CREB3L3: variants seen among roughly 807,000 people sequenced by gnomAD.
CREB3L3 encodes the protein cAMP responsive element binding protein 3 like 3.
Under a neutral mutation model 44.6 loss-of-function variants are expected in CREB3L3, and 40 were observed. The ratio of observed to expected loss-of-function variants is 0.90; its 90% CI spans 0.70 to 1.17. The LOEUF (loss-of-function observed/expected upper bound fraction) is 1.17, where lower values mean the gene tolerates loss of function less well. Among genes scored for constraint, CREB3L3 ranks in the 50% most tolerant of loss-of-function variants. The pLI is 0.00. For missense variants in CREB3L3, 578 were observed against 595.8 expected (o/e 0.97, Z 0.31); for synonymous variants, 273 against 256.3 (o/e 1.06, Z -0.62).
intron 7 of CREB3L3, 123 bp from the exon 8 acceptor site, chr19:4,170,968 G>A (rs1967032201): frequency 2.9e-6 from 2 of 687,998 alleles, no homozygotes; most frequent in Non-Finnish European, 5.3e-6. Context: ...ATAATAAAGA[G>A]CCAGAGGCCC....
chr19:4,165,879 A>G (rs1204581305), intron 5 of CREB3L3, among the ~76,000 whole-genome samples: 3 of 152,028 alleles, frequency 2.0e-5, no homozygotes, highest in East Asian at 1.9e-4. Context: ...CTCTGTCAAA[A>G]CAAAAACAAA....
In CREB3L3 at chr19:4,171,077, C is replaced by T. The variant is rs192623406; in HGVS notation, c.891-14C>T. ...CCCTTTAGGGCTCAGCGGAGGCCTG[C>T]CTGTCTCTCTAAGGTCCCTCTTGGA... On this transcript the variant is annotated splice_polypyrimidine_tract_variant and intron_variant, in intron 7 of 9. Coordinates refer to ENST00000078445, the MANE Select transcript of CREB3L3 (RefSeq NM_032607.3). This position sits in a 1 kb window ranked among gnomAD's most constrained non-coding sequence, Gnocchi z 4.9. 3.3e-4 allele frequency: 536 copies of T among 1,610,380 alleles called. 5 individuals carry two copies. The African/African-American group carries it at 6.0e-3, about 18-fold the overall frequency.
rs2240702 is a variant in CREB3L3, at chr19:4,159,876, A to G, written c.576+94A>G. The stretch of plus-strand genomic sequence containing the variant: ...ATATCCCCGTTTCAGAGACTGGAAA[A>G]CTGAGTCACAGAAAGGCGTGGAATT... On this transcript the variant is annotated intron_variant, in intron 4 of 9. Coordinates refer to ENST00000078445, the MANE Select transcript of CREB3L3 (RefSeq NM_032607.3). 89,104 of 755,586 alleles carry G rather than the reference A, an allele frequency of 0.12. 6,145 individuals are homozygous for G. The highest frequency in any genetic ancestry group is 0.26 in the East Asian group (10,511 of 40,480). 46.8% of individuals were successfully genotyped at this position (755,586 alleles called of 1,614,324 possible).
intron 6 of CREB3L3, 56 bp from the exon 7 acceptor site, chr19:4,170,084 T>C (rs1967009568): frequency 6.5e-7 from 1 of 1,544,048 alleles, no homozygotes; most frequent in East Asian, 2.2e-5. Context: ...GAGATGTCAG[T>C]GGGGCCAGCT....
rs1015075203 is a variant in CREB3L3 at position 4,172,586 on chromosome 19, CACAGATTGA to C, written c.*619_*627del. The C allele has an allele frequency of 4.0e-6, 1 of 247,302 alleles. No individual in the cohort carries two copies. The allele number at this position is 247,302 out of a possible 1,614,324, so 15.3% of individuals were successfully genotyped here. A position where few individuals can be genotyped will look rare whatever the true frequency, so the allele number is the denominator to read the frequency against. On this transcript the variant is annotated 3_prime_UTR_variant, in exon 10 of 10. Transcript: ENST00000078445. ...CCTGAAACAGACCTAGACAGACAGA[CACAGATTGA>C]AACAGACCCAGACAAACAGACAGAC...
At chr19:4,155,125 C>T in intron 2 of CREB3L3, 98 bp downstream of exon 2, 1 of 1,454,028 alleles carries the variant, frequency 6.9e-7, no homozygotes, top group Non-Finnish European at 9.5e-7. Context: ...CCAGCCAGAG[C>T]TCTGCTCAGC....
intron 2 of CREB3L3, 25 bp downstream of exon 2, chr19:4,155,052 C>A (rs767840124): frequency 3.1e-6 from 5 of 1,601,488 alleles, no homozygotes; most frequent in Non-Finnish European, 4.2e-6. Flanking sequence ...GCAGTTGCCC[C>A]GGGACCACAG....
intron 5 of CREB3L3, among the ~76,000 whole-genome samples, chr19:4,167,653 G>C (rs957778175): frequency 6.6e-6 from 1 of 152,160 alleles, no homozygotes; most frequent in Non-Finnish European, 1.5e-5. Context: ...AGGGAAAGGT[G>C]ATGTTTCCAG....
In CREB3L3 at chr19:4,157,084, C is replaced by G; in HGVS notation, c.246C>G (p.Pro82=). 1 of 1,614,030 alleles carries G rather than the reference C, an allele frequency of 6.2e-7. No homozygotes were observed. Among genetic ancestry groups the G allele is most frequent in the Non-Finnish European group, 8.5e-7 (1 of 1,179,982 alleles). The change falls in exon 3 of 10, where the codon CCC becomes CCG. Residue 82 remains proline, a synonymous_variant. Coordinates refer to ENST00000078445, the MANE Select transcript of CREB3L3 (RefSeq NM_032607.3). ...TGCCCAGCTCCCCACTCTGGTCCCC[C>G]GAAGGCAGTGATAGTGGCATCTCCG... ...DSLPSSPLWS[P]EGSDSGISED...
chr19:4,163,499 A>G (rs984789104), intron 4 of CREB3L3, among the ~76,000 whole-genome samples: 1 of 152,144 alleles, frequency 6.6e-6, no homozygotes, highest in Non-Finnish European at 1.5e-5. Context: ...CCCTGCTGCC[A>G]AGGGAGATTC....
chr19:4,157,398 G>A, intron 3 of CREB3L3, 103 bp downstream of exon 3: 1 of 1,309,768 alleles, frequency 7.6e-7, no homozygotes. Flanking sequence ...CTTGTCCAAG[G>A]TCACACAGCA....
At position 4,170,141 on chromosome 19, in the gene CREB3L3, A is replaced by G. The variant is rs1290294482; in HGVS notation, c.823A>G (p.Met275Val). The change falls in exon 7 of 10, where the codon ATG (methionine) becomes GTG (valine). Residue 275 changes from methionine to valine, a missense_variant and splice_region_variant. Met to Val is a conservative substitution (Grantham distance 21). Coordinates refer to ENST00000078445, the MANE Select transcript of CREB3L3 (RefSeq NM_032607.3). ...GTCGATGCGTCTTCCTCCTTTCAGG[A>G]TGTCAGCTTGCACTGCTCAGAATCA... ...KEYIDGLETR[M>V]SACTAQNQEL... 2 of 1,614,024 alleles carry G rather than the reference A, an allele frequency of 1.2e-6. No individual in the cohort carries two copies. The highest frequency in any genetic ancestry group is 2.2e-5 in the South Asian group (2 of 91,078).
At chr19:4,167,007 C>T (rs796438150) in intron 5 of CREB3L3, among the ~76,000 whole-genome samples, 6 of 152,186 alleles carry the variant, frequency 3.9e-5, no homozygotes, top group African/African-American at 9.6e-5. Flanking sequence ...GCTGGGATTA[C>T]AGCACTGTGA....
Position 4,171,645 on chromosome 19 carries a change from T to G in CREB3L3, c.1073-11T>G, listed in dbSNP as rs1967050407. 16 of 1,612,914 alleles carry G rather than the reference T, an allele frequency of 9.9e-6. No homozygotes were observed. Among genetic ancestry groups the G allele is most frequent in the Non-Finnish European group, 1.4e-5 (16 of 1,179,884 alleles). On this transcript the variant is annotated splice_polypyrimidine_tract_variant and intron_variant, in intron 9 of 9. Transcript: ENST00000078445. The surrounding 1 kb of genome is among the most constrained non-coding windows in gnomAD (Gnocchi z 4.9). ...ACCTTGTCCCCTGTGATGCCCCCCT[T>G]CCCCAATCAGTGTTCTCCAGAACTT...
intron 6 of CREB3L3, among the ~76,000 whole-genome samples, 181 bp from the exon 7 acceptor site, chr19:4,169,959 C>A (rs1278517150): frequency 6.6e-6 from 1 of 152,140 alleles, no homozygotes; most frequent in East Asian, 1.9e-4. Context: ...ACCTAGGAAC[C>A]AGGCAGATGT....
chr19:4,154,773 G>A, intron 1 of CREB3L3, 126 bp from the exon 2 acceptor site: 1 of 1,403,730 alleles, frequency 7.1e-7, no homozygotes, highest in Non-Finnish European at 1.0e-6. Flanking sequence ...AGGGGCAGCA[G>A]CTGGCCCAAC....
rs1407736606 is a variant in CREB3L3 at position 4,171,164 on chromosome 19, A to G, written c.964A>G (p.Thr322Ala). The change falls in exon 8 of 10, where the codon ACC becomes GCC. Residue 322 changes from threonine to alanine, a missense_variant. Coordinates refer to ENST00000078445, the MANE Select transcript of CREB3L3 (RefSeq NM_032607.3). This position sits in a 1 kb window ranked among gnomAD's most constrained non-coding sequence, Gnocchi z 4.9. ...QSTSKSAQTGTCVAVLLLSFA... is the reference protein window; with the variant it reads ...QSTSKSAQTGACVAVLLLSFA... ...CACCAGCAAGTCAGCCCAGACAGGC[A>G]CCTGTGTCGCAGTGAGTCCTGGTGC... The G allele has an allele frequency of 6.2e-7, 1 of 1,613,966 alleles. No individual in the cohort carries two copies. Among genetic ancestry groups the G allele is most frequent in the Non-Finnish European group, 8.5e-7 (1 of 1,179,966 alleles).
rs531779839 is a variant in CREB3L3, at chr19:4,154,973, C to A, written c.102C>A (p.Asp34Glu). 6.2e-7 allele frequency: 1 copy of A among 1,613,048 alleles called. No individual in the cohort carries two copies. Among genetic ancestry groups the A allele is most frequent in the South Asian group, 1.1e-5 (1 of 91,084 alleles). Residue 34 changes from aspartate to glutamate, a missense_variant, in exon 2 of 10, where the codon GAC becomes GAA. Coordinates refer to ENST00000078445, the MANE Select transcript of CREB3L3 (RefSeq NM_032607.3). ...ELLDLLFDRQ[D>E]GILRHVELGE... ...TGGATCTCCTGTTTGACCGGCAGGACGGCATCCTGAGACACGTGGAGCTGG... is the reference window on the plus strand; with the variant it reads ...TGGATCTCCTGTTTGACCGGCAGGAAGGCATCCTGAGACACGTGGAGCTGG...
Position 4,157,129 on chromosome 19 carries a change from C to T in CREB3L3, c.291C>T (p.Pro97=), listed in dbSNP as rs750489862. ...TCTCCGAAGACCTCCCCTCCGACCC[C>T]CAGGACACCCCTCCACGCAGCGGAC... ...SGISEDLPSD[P]QDTPPRSGPA... Residue 97 remains proline, a synonymous_variant, in exon 3 of 10, where the codon CCC becomes CCT. Coordinates refer to ENST00000078445, the MANE Select transcript of CREB3L3 (RefSeq NM_032607.3). 1 of 1,614,054 alleles carries T rather than the reference C, an allele frequency of 6.2e-7. No homozygotes were observed. The highest frequency in any genetic ancestry group is 1.1e-5 in the South Asian group (1 of 91,082).
Sources: gnomAD v4.1 joint callset for allele counts (sites outside exome capture counted in the v4.1 genomes callset) on GRCh38, gnomAD v4.1.1 for gene constraint, Gnocchi (gnomAD v3.1) non-coding constraint, MANE v1.5 for transcripts, NCBI Gene and HGNC (gene_info 2026-07-23, HGNC 2026-07-21) for gene names.